The following RAB3IP variants were observed in gnomAD, a reference collection of about 807,000 sequenced individuals.
The protein encoded by RAB3IP is rab-3A-interacting protein.
RAB3IP carries 36 observed loss-of-function variants against 59.1 expected under a neutral mutation model. The ratio of observed to expected loss-of-function variants is 0.61; its 90% confidence interval spans 0.47 to 0.80. The LOEUF is 0.80. RAB3IP is among the 30% of genes least tolerant of loss of function. RAB3IP has a pLI of 0.00. For missense variants in RAB3IP, 511 were observed against 536.0 expected, an observed-to-expected ratio of 0.95 and a Z score of 0.46; for synonymous variants, 207 against 191.2, an observed-to-expected ratio of 1.08 and a Z score of -0.68.
chr12:69,782,723 A>G (rs913816487), intron 3 of RAB3IP, among the ~76,000 whole-genome samples: 1 of 152,158 alleles, frequency 6.6e-6, no homozygotes, highest in Non-Finnish European at 1.5e-5. Flanking sequence ...TTCTCTTGAT[A>G]TTCCCATCTT....
chr12:69,796,644 G>A (rs918685163), intron 6 of RAB3IP: 22 of 624,318 alleles, frequency 3.5e-5, no homozygotes, highest in Non-Finnish European at 6.1e-5. Context: ...AATGATGCTG[G>A]TAAGAGAGAA....
intron 1 of RAB3IP, among the ~76,000 whole-genome samples, chr12:69,746,726 T>C (rs369486102): frequency 1.6e-4 from 24 of 152,248 alleles, no homozygotes; most frequent in East Asian, 7.7e-4. Flanking sequence ...AGTGATGGAA[T>C]TTGTAACTAA....
At chr12:69,802,566 T>A (rs1308231803) in intron 8 of RAB3IP, among the ~76,000 whole-genome samples, 1 of 152,142 alleles carries the variant, frequency 6.6e-6, no homozygotes, top group Non-Finnish European at 1.5e-5. Context: ...AAAAATGACT[T>A]GGAAAGCTTT....
intron 4 of RAB3IP, among the ~76,000 whole-genome samples, chr12:69,791,650 A>C (rs1418853746): frequency 6.6e-6 from 1 of 152,194 alleles, no homozygotes; most frequent in African/African-American, 2.4e-5. Context: ...GGCTATTATC[A>C]AAATACAAAA....
chr12:69,768,377 T>C (rs1222825929), intron 3 of RAB3IP, among the ~76,000 whole-genome samples: 5 of 152,196 alleles, frequency 3.3e-5, no homozygotes, highest in African/African-American at 1.2e-4. Flanking sequence ...CCACAATCTA[T>C]GTCCATGACG....
chr12:69,780,852 T>C (rs1874578515), intron 3 of RAB3IP, among the ~76,000 whole-genome samples: 2 of 152,170 alleles, frequency 1.3e-5, no homozygotes, highest in South Asian at 4.1e-4. Context: ...GATTTTTGTT[T>C]TGTTATTTTT....
rs1349882333 is a variant in RAB3IP at position 69,815,709 on chromosome 12, A to G, written c.*263A>G. The G allele has an allele frequency of 7.7e-6, 2 of 258,430 alleles. No individual in the cohort carries two copies. The highest frequency in any genetic ancestry group is 1.1e-4 in the South Asian group (1 of 9,274). 16.0% of individuals were successfully genotyped at this position (258,430 alleles called of 1,614,324 possible). On this transcript the variant is annotated 3_prime_UTR_variant, in exon 11 of 11. Transcript: ENST00000247833. Reference sequence around the variant, plus strand: ...CAAAAAAAAAAAAAACCTGAAATAAATAAATGTTAGATTGAATGTGTGTAC... The same window carrying G: ...CAAAAAAAAAAAAAACCTGAAATAAGTAAATGTTAGATTGAATGTGTGTAC...
At chr12:69,759,405 A>G (rs1343596732) in intron 3 of RAB3IP, among the ~76,000 whole-genome samples, 1 of 152,104 alleles carries the variant, frequency 6.6e-6, no homozygotes, top group East Asian at 1.9e-4. Context: ...ACACAGCAAC[A>G]ATCTGATTTC....
chr12:69,782,814 GT>G (rs1281298723), intron 3 of RAB3IP, among the ~76,000 whole-genome samples: 3 of 148,126 alleles, frequency 2.0e-5, no homozygotes, highest in Non-Finnish European at 4.5e-5. Context: ...TTTTTGTTTT[GT>G]TTTTTTTTGT....
At chr12:69,784,065 T>C (rs1875216151) in intron 3 of RAB3IP, among the ~76,000 whole-genome samples, 1 of 152,226 alleles carries the variant, frequency 6.6e-6, no homozygotes, top group Admixed American at 6.5e-5. Flanking sequence ...TTAGGGCTAC[T>C]TAAGCATACA....
intron 8 of RAB3IP, among the ~76,000 whole-genome samples, chr12:69,805,232 C>T (rs977205352): frequency 1.3e-5 from 2 of 151,990 alleles, no homozygotes; most frequent in Non-Finnish European, 2.9e-5. Context: ...AATTGGATTC[C>T]TAGGTATTTT....
intron 6 of RAB3IP, among the ~76,000 whole-genome samples, chr12:69,798,609 T>G (rs1005552431): frequency 6.6e-6 from 1 of 152,180 alleles, no homozygotes; most frequent in Non-Finnish European, 1.5e-5. Context: ...CATGCCTATG[T>G]CCTGAATGGT....
At chr12:69,789,654 T>G (rs796170656) in intron 4 of RAB3IP, among the ~76,000 whole-genome samples, 1 of 152,224 alleles carries the variant, frequency 6.6e-6, no homozygotes, top group African/African-American at 2.4e-5. Context: ...TGGGCCAATA[T>G]TCTCAATGGA....
At chr12:69,792,485 G>A (rs1876791400) in intron 4 of RAB3IP, among the ~76,000 whole-genome samples, 1 of 152,166 alleles carries the variant, frequency 6.6e-6, no homozygotes. Context: ...TGTATACATA[G>A]TGTTTGACTC....
chr12:69,807,815 C>T (rs1275770337), intron 8 of RAB3IP, among the ~76,000 whole-genome samples: 1 of 142,132 alleles, frequency 7.0e-6, no homozygotes, highest in African/African-American at 2.7e-5. Flanking sequence ...CAGAGGCGCT[C>T]CTCACCTCCC....
intron 3 of RAB3IP, among the ~76,000 whole-genome samples, chr12:69,769,499 C>T (rs1307775209): frequency 6.6e-6 from 1 of 152,192 alleles, no homozygotes; most frequent in African/African-American, 2.4e-5. Flanking sequence ...ATCACGGGGG[C>T]TGTTTGTCAG....
Position 69,817,424 on chromosome 12 carries a change from ACTT to A in RAB3IP, c.*1982_*1984del, listed in dbSNP as rs1881242065. 6.6e-6 allele frequency: 1 copy of A among 151,550 alleles called. No homozygotes were observed. The highest frequency in any genetic ancestry group is 1.9e-4 in the East Asian group (1 of 5,196). The allele number at this position is 151,550 out of a possible 1,614,324, so 9.4% of individuals were successfully genotyped here. A position where few individuals can be genotyped will look rare whatever the true frequency, so the allele number is the denominator to read the frequency against. On this transcript the variant is annotated 3_prime_UTR_variant, in exon 11 of 11. Coordinates refer to ENST00000247833, the MANE Select transcript of RAB3IP (RefSeq NM_022456.5). ...CCTGATCCTACTCCCTTTAGGAAGAACTTCTTAAACTGGAAGCAGGAAAAAAAA... is the reference window on the plus strand; with the variant it reads ...CCTGATCCTACTCCCTTTAGGAAGAACTTAAACTGGAAGCAGGAAAAAAAA...
Position 69,762,756 on chromosome 12 carries a change from CAAAAAAAAAAAAA to C in RAB3IP, c.510+6104_510+6116del, listed in dbSNP as rs11445702. Among the ~76,000 whole-genome samples, 6 of 76,766 alleles carry C rather than the reference CAAAAAAAAAAAAA, an allele frequency of 7.8e-5. No homozygotes were observed. In the Admixed American group the frequency reaches 9.8e-4, roughly 13 times the overall value. The allele number at this position is 76,766 out of a possible 152,430, so 50.4% of individuals were successfully genotyped here. A position where few individuals can be genotyped will look rare whatever the true frequency, so the allele number is the denominator to read the frequency against. On this transcript the variant is annotated intron_variant, in intron 3 of 10. Transcript: ENST00000247833. ...TAGGCAACAGAGGGAGACTCCGTCT[CAAAAAAAAAAAAA>C]AAAAAAAAAAGAAAAAAGAGAAAAA...
At chr12:69,798,066 A>G (rs1213595164) in intron 6 of RAB3IP, among the ~76,000 whole-genome samples, 1 of 152,112 alleles carries the variant, frequency 6.6e-6, no homozygotes, top group Non-Finnish European at 1.5e-5. Flanking sequence ...GTCAAATGGT[A>G]TTTCTAGTTC....
Sources: allele counts gnomAD v4.1 joint callset (sites outside exome capture counted in the v4.1 genomes callset), GRCh38; gene constraint gnomAD v4.1.1; transcripts MANE v1.5; gene names NCBI Gene and HGNC (gene_info 2026-07-23, HGNC 2026-07-21).